The following HTRA4 variants were observed in gnomAD, a reference collection of about 807,000 sequenced individuals.
HTRA4 encodes the protein serine protease HTRA4.
Under a neutral mutation model 49.1 loss-of-function variants are expected in HTRA4, and 46 were observed. The ratio of observed to expected loss-of-function variants is 0.94; its 90% confidence interval spans 0.74 to 1.20. The LOEUF is 1.20. Ranked by LOEUF, HTRA4 falls within the 50% of genes most tolerant of loss-of-function variation. HTRA4 has a pLI of 0.00. For synonymous variants in HTRA4, 261 were observed against 264.0 expected (o/e 0.99, Z 0.11); for missense variants, 602 against 636.9 (o/e 0.95, Z 0.59).
At chr8:38,975,916 G>C (rs1372050739) in intron 2 of HTRA4, among the ~76,000 whole-genome samples, 1 of 152,142 alleles carries the variant, frequency 6.6e-6, no homozygotes, top group African/African-American at 2.4e-5. Context: ...CTAGTATTAG[G>C]ATTGGGTTCA....
chr8:38,988,056 A>G lies in HTRA4; in HGVS notation c.1389A>G (p.Lys463=). 1 of 1,611,420 alleles carries G rather than the reference A, an allele frequency of 6.2e-7. No homozygotes were observed. The highest frequency in any genetic ancestry group is 8.5e-7 in the Non-Finnish European group (1 of 1,179,168). ...TTTCCATGGCTGTTCTTCGGGGAAA[A>G]GATAATTTGCTCCTGACAGTCATAC... is the stretch of plus-strand genomic sequence containing the variant. ...DSLSMAVLRG[K]DNLLLTVIPE... The change falls in exon 9 of 9, where the codon AAA becomes AAG. Residue 463 remains lysine, a synonymous_variant. Coordinates refer to ENST00000302495, the MANE Select transcript of HTRA4 (RefSeq NM_153692.4).
At chr8:38,980,759 A>AG (rs1477776888) in intron 5 of HTRA4, among the ~76,000 whole-genome samples, 197 of 151,718 alleles carry the variant, frequency 1.3e-3, no homozygotes, top group African/African-American at 4.5e-3. Flanking sequence ...AAAAAAAAAA[A>AG]GAAATCTCTT....
Position 38,974,491 on chromosome 8 carries a change from G to A in HTRA4, c.228G>A (p.Glu76=). 6.6e-7 allele frequency: 1 copy of A among 1,511,858 alleles called. No homozygotes were observed. The highest frequency in any genetic ancestry group is 8.8e-7 in the Non-Finnish European group (1 of 1,137,834). The allele number at this position is 1,511,858 out of a possible 1,614,324, so 93.7% of individuals were successfully genotyped here. A position where few individuals can be genotyped will look rare whatever the true frequency, so the allele number is the denominator to read the frequency against. Residue 76 remains glutamate (E), a synonymous_variant, in exon 1 of 9, where the codon GAG becomes GAA. Coordinates refer to ENST00000302495, the MANE Select transcript of HTRA4 (RefSeq NM_153692.4). The part of the protein sequence containing the change: ...CRCCRVCPAA[E]REVCGGAQGQ... ...GTTGCCGCGTCTGCCCCGCGGCCGA[G>A]CGTGAAGTCTGCGGCGGGGCGCAGG...
Position 38,976,586 on chromosome 8 carries a change from A to G in HTRA4, c.618A>G (p.Ile206Met). ...LVPVYSGSGF[I>M]VSEDGLIITN... ...CTGTGTACAGTGGCTCTGGGTTCAT[A>G]GTGTCTGAGGACGGGCTCATTATTA... Residue 206 changes from isoleucine to methionine, a missense_variant, in exon 3 of 9, where the codon ATA becomes ATG. Ile to Met is a conservative substitution (Grantham distance 10). Transcript: ENST00000302495. The G allele has an allele frequency of 3.1e-6, 5 of 1,614,078 alleles. No homozygotes were observed. Among genetic ancestry groups the G allele is most frequent in the Admixed American group, 1.7e-5 (1 of 60,014 alleles).
chr8:38,983,962 TAAC>T (rs1277292191), intron 8 of HTRA4, among the ~76,000 whole-genome samples: 3 of 152,116 alleles, frequency 2.0e-5, no homozygotes, highest in Non-Finnish European at 4.4e-5. Context: ...ATTAAGTGAT[TAAC>T]ACCTATTAGG....
intron 4 of HTRA4, 61 bp downstream of exon 4, chr8:38,978,208 C>A: frequency 6.9e-7 from 1 of 1,441,082 alleles, no homozygotes; most frequent in Non-Finnish European, 9.4e-7. Flanking sequence ...AGGTCCATGG[C>A]CTGTTAGGAA....
intron 4 of HTRA4, 89 bp downstream of exon 4, chr8:38,978,236 C>T (rs998134535): frequency 2.6e-6 from 3 of 1,163,292 alleles, no homozygotes; most frequent in Non-Finnish European, 3.6e-6. Flanking sequence ...GCACAGCAGG[C>T]TGTGAGCCAT....
Position 38,976,517 on chromosome 8 carries a change from A to G in HTRA4, c.567-18A>G, listed in dbSNP as rs374600922. The G allele has an allele frequency of 5.0e-6, 8 of 1,612,602 alleles. No individual in the cohort carries two copies. In the African/African-American group the frequency reaches 8.0e-5, roughly 16 times the overall value. Reference sequence around the variant, plus strand: ...AACTTTCTTGCCCTCTGTTTACACTATTGTCTTGTGGAGACAGGTTACTTC... The same window carrying G: ...AACTTTCTTGCCCTCTGTTTACACTGTTGTCTTGTGGAGACAGGTTACTTC... On this transcript the variant is annotated intron_variant, in intron 2 of 8. Transcript: ENST00000302495.
intron 5 of HTRA4, among the ~76,000 whole-genome samples, chr8:38,980,743 G>T (rs1316848202): frequency 9.0e-6 from 1 of 111,580 alleles, no homozygotes; most frequent in African/African-American, 3.1e-5. Flanking sequence ...GTCTCAAAAA[G>T]AAAAGAAAAA....
chr8:38,975,319 A>G (rs1835335980), intron 2 of HTRA4, among the ~76,000 whole-genome samples, 189 bp downstream of exon 2: 1 of 152,148 alleles, frequency 6.6e-6, no homozygotes, highest in Non-Finnish European at 1.5e-5. Flanking sequence ...TGACTTCTAA[A>G]TCCCAGCTCC....
At position 38,976,906 on chromosome 8, in the gene HTRA4, C is replaced by T. The variant is rs112983863; in HGVS notation, c.771+167C>T. On this transcript the variant is annotated intron_variant, in intron 3 of 8. Coordinates refer to ENST00000302495, the MANE Select transcript of HTRA4 (RefSeq NM_153692.4). ...TCCCTCTTTTATTTATTTGCTTCAA[C>T]GCCTTTCTGTATATCCCTAACCGTT... is the stretch of plus-strand genomic sequence containing the variant. Among the ~76,000 whole-genome samples, 8 of 152,090 alleles carry T rather than the reference C, an allele frequency of 5.3e-5. 1 individual carries two copies. Among genetic ancestry groups the T allele is most frequent in the African/African-American group, 1.2e-4 (5 of 41,504 alleles).
At position 38,979,132 on chromosome 8, in the gene HTRA4, AC is replaced by A. The variant is rs551534260; in HGVS notation, c.967-82del. On this transcript the variant is annotated intron_variant, in intron 4 of 8. Coordinates refer to ENST00000302495, the MANE Select transcript of HTRA4 (RefSeq NM_153692.4). Reference sequence around the variant, plus strand: ...GAGCTTGGTGGGCTGCTTTTGGTAAACTGTTTTGGGAGCTATGTGTAAAGGA... The same window carrying A: ...GAGCTTGGTGGGCTGCTTTTGGTAAATGTTTTGGGAGCTATGTGTAAAGGA... The A allele has an allele frequency of 1.4e-4, 186 of 1,306,304 alleles. No individual in the cohort carries two copies. The African/African-American group carries it at 2.4e-3, about 17-fold the overall frequency. The allele number at this position is 1,306,304 out of a possible 1,614,324, so 80.9% of individuals were successfully genotyped here.
chr8:38,985,039 A>G (rs1417665659), intron 8 of HTRA4, among the ~76,000 whole-genome samples: 2 of 152,252 alleles, frequency 1.3e-5, no homozygotes, highest in Admixed American at 6.5e-5. Context: ...AAAGGCTAGG[A>G]CAGCTTCCAA....
chr8:38,987,584 G>A (rs561567408), intron 8 of HTRA4, among the ~76,000 whole-genome samples: 1 of 152,258 alleles, frequency 6.6e-6, no homozygotes, highest in African/African-American at 2.4e-5. Context: ...CACTTTGGCT[G>A]CTGAGGCTGG....
Position 38,974,564 on chromosome 8 carries a change from G to A in HTRA4, c.301G>A (p.Gly101Arg). 7.1e-7 allele frequency: 1 copy of A among 1,410,208 alleles called. No individual in the cohort carries two copies. The highest frequency in any genetic ancestry group is 9.2e-7 in the Non-Finnish European group (1 of 1,089,554). The allele number at this position is 1,410,208 out of a possible 1,614,324, so 87.4% of individuals were successfully genotyped here. Residue 101 changes from glycine (G) to arginine (R), a missense_variant, in exon 1 of 9, where the codon GGG becomes AGG. Gly to Arg is a moderately radical substitution (Grantham distance 125). Coordinates refer to ENST00000302495, the MANE Select transcript of HTRA4 (RefSeq NM_153692.4). Reference sequence around the variant, plus strand: ...GCAGTGCCTCCAGCCGCTGCGCCCCGGGTTCCCCAGCACCTGCGGTTGCCC... The same window carrying A: ...GCAGTGCCTCCAGCCGCTGCGCCCCAGGTTCCCCAGCACCTGCGGTTGCCC... ...GLQCLQPLRP[G>R]FPSTCGCPTL... is the part of the protein sequence containing the mutation.
rs80147677 is a variant in HTRA4, at chr8:38,983,189, G to C, written c.1268+141G>C. On this transcript the variant is annotated intron_variant, in intron 8 of 8. Transcript: ENST00000302495. ...GTAGTATGTACTGAGCACATGAAAT[G>C]TGGCCAGTGTGACTGAGGAACTGAA... 9.9e-3 allele frequency: 4,564 copies of C among 462,110 alleles called. 204 individuals are homozygous for C. The highest frequency in any genetic ancestry group is 0.084 in the African/African-American group (4,120 of 49,304). 28.6% of individuals were successfully genotyped at this position (462,110 alleles called of 1,614,324 possible). A position where few individuals can be genotyped will look rare whatever the true frequency, so the allele number is the denominator to read the frequency against.
chr8:38,976,739 T>C lies in HTRA4; in HGVS notation c.771T>C (p.Asn257=). Residue 257 remains asparagine (N), a splice_region_variant and synonymous_variant, in exon 3 of 9, where the codon AAT becomes AAC. Coordinates refer to ENST00000302495, the MANE Select transcript of HTRA4 (RefSeq NM_153692.4). ...LDLAVIKIES[N]AELPVLMLGR... ...TTGCGGTGATTAAGATTGAATCAAA[T>C]GTGAGTATTTCAGGGCTGAGTCAGA... The C allele has an allele frequency of 2.5e-6, 4 of 1,614,136 alleles. No homozygotes were observed. The highest frequency in any genetic ancestry group is 3.4e-6 in the Non-Finnish European group (4 of 1,179,994).
At chr8:38,983,169 A>G (rs1835445039) in intron 8 of HTRA4, 121 bp downstream of exon 8, 1 of 593,374 alleles carries the variant, frequency 1.7e-6, no homozygotes, top group African/African-American at 1.9e-5. Flanking sequence ...TACATGTAGT[A>G]TGTACTGAGC....
Position 38,976,630 on chromosome 8 carries a change from G to A in HTRA4, c.662G>A (p.Arg221Lys). 6.2e-7 allele frequency: 1 copy of A among 1,614,182 alleles called. No homozygotes were observed. ...ATTATTACCAATGCCCATGTTGTCA[G>A]GAACCAGCAGTGGATTGAGGTGGTG... ...GLIITNAHVVRNQQWIEVVLQ... is the reference protein window; with the variant it reads ...GLIITNAHVVKNQQWIEVVLQ... The change falls in exon 3 of 9, where the codon AGG (arginine) becomes AAG (lysine). Residue 221 changes from arginine (R) to lysine (K), a missense_variant. By Grantham distance (26) the Arg-to-Lys change is conservative (BLOSUM62 2). Coordinates refer to ENST00000302495, the MANE Select transcript of HTRA4 (RefSeq NM_153692.4).
Sources: allele counts gnomAD v4.1 joint callset (sites outside exome capture counted in the v4.1 genomes callset), GRCh38; gene constraint gnomAD v4.1.1; transcripts MANE v1.5; gene names NCBI Gene and HGNC (gene_info 2026-07-23, HGNC 2026-07-21).